The following FYCO1 variants were observed in gnomAD, a reference collection of about 807,000 sequenced individuals.
FYCO1 encodes FYVE and coiled-coil domain-containing protein 1.
FYCO1 carries 122 observed loss-of-function variants against 165.1 expected under a neutral mutation model. The observed-to-expected ratio is 0.74, with a 90% confidence interval of 0.64 to 0.86. The LOEUF (loss-of-function observed/expected upper bound fraction) is 0.86, where lower values mean the gene tolerates loss of function less well. Among genes scored for constraint, FYCO1 ranks in the 40% least tolerant of loss-of-function variants. The pLI is 0.00. For missense variants in FYCO1, 1,702 were observed against 1,810.3 expected, an observed-to-expected ratio of 0.94 and a Z score of 1.09; for synonymous variants, 648 against 742.5, an observed-to-expected ratio of 0.87 and a Z score of 2.07.
intron 16 of FYCO1, among the ~76,000 whole-genome samples, chr3:45,927,636 C>T (rs988564960): frequency 2.6e-5 from 4 of 152,204 alleles, no homozygotes; most frequent in African/African-American, 4.8e-5. Context: ...CTTCTGCACA[C>T]GGCGTCTCAT....
Position 45,968,383 on chromosome 3 carries a change from T to C in FYCO1, c.951A>G (p.Thr317=). ...CTCCTAGCTCCAGGCCCTGCAGGCA[T>C]GTCTGCAGCTCCTTCACAGTGTTCT... ...ATQNTVKELQ[T]CLQGLELGAA... is the part of the protein sequence containing the mutation. The change falls in exon 8 of 18, where the codon ACA becomes ACG. Residue 317 remains threonine, a synonymous_variant. Transcript: ENST00000296137. 3.7e-6 allele frequency: 6 copies of C among 1,613,692 alleles called. No individual in the cohort carries two copies. Among genetic ancestry groups the C allele is most frequent in the Non-Finnish European group, 5.1e-6 (6 of 1,179,906 alleles).
At chr3:45,949,717 G>A (rs1235618239) in intron 14 of FYCO1, among the ~76,000 whole-genome samples, 1 of 152,082 alleles carries the variant, frequency 6.6e-6, no homozygotes, top group East Asian at 1.9e-4. Flanking sequence ...AGCAGCGCTG[G>A]GACCATGGGG....
In FYCO1 at chr3:45,962,523, A is replaced by G. The variant is rs1705764258; in HGVS notation, c.3270-131T>C. On this transcript the variant is annotated intron_variant, in intron 10 of 17. Coordinates refer to ENST00000296137, the MANE Select transcript of FYCO1 (RefSeq NM_024513.4). This position sits in a 1 kb window ranked among gnomAD's most constrained non-coding sequence, Gnocchi z 4.4. ...TGGGGGAGCCCCTTGGTATCTGCTCACAGCTTATGCAGTCCCCTAGCTTTT... is the reference window on the plus strand; with the variant it reads ...TGGGGGAGCCCCTTGGTATCTGCTCGCAGCTTATGCAGTCCCCTAGCTTTT... The G allele has an allele frequency of 1.2e-6, 1 of 821,736 alleles. No individual in the cohort carries two copies. Among genetic ancestry groups the G allele is most frequent in the Non-Finnish European group, 2.1e-6 (1 of 470,652 alleles). The allele number at this position is 821,736 out of a possible 1,614,324, so 50.9% of individuals were successfully genotyped here.
At chr3:45,985,582 T>A (rs908189820) in intron 1 of FYCO1, among the ~76,000 whole-genome samples, 8 of 152,162 alleles carry the variant, frequency 5.3e-5, no homozygotes, top group African/African-American at 1.9e-4. Context: ...CAGGGTCCCC[T>A]TCGTCGTGAG....
chr3:45,935,594 C>A (rs1034212779), intron 15 of FYCO1, among the ~76,000 whole-genome samples: 5 of 152,194 alleles, frequency 3.3e-5, no homozygotes, highest in Admixed American at 2.6e-4. Context: ...AACTCCTTCA[C>A]CTCCTTCAAG....
intron 1 of FYCO1, among the ~76,000 whole-genome samples, chr3:45,991,987 C>T (rs904755544): frequency 5.3e-5 from 8 of 152,122 alleles, no homozygotes; most frequent in African/African-American, 1.7e-4. Flanking sequence ...GAGGAAAAGC[C>T]GTGTGAGGCC....
Position 45,936,455 on chromosome 3 carries a change from C to A in FYCO1, c.4033G>T (p.Glu1345Ter), listed in dbSNP as rs757559324. The A allele has an allele frequency of 4.3e-6, 7 of 1,612,600 alleles. No individual in the cohort carries two copies. The African/African-American group carries it at 8.0e-5, about 18-fold the overall frequency. ...DSEICLLKSG[E>*]LMIKVPLTVD... is the part of the protein sequence containing the mutation. ...GCAGCAGTTGCCACTTACATCAGTT[C>A]TCCAGACTTCAGCAGGCAGATTTCC... Residue 1345 changes from glutamate (E) to a stop codon, truncating the protein, a stop_gained, in exon 15 of 18, where the codon GAA becomes TAA. Transcript: ENST00000296137. LOFTEE classifies it high-confidence loss of function.
At chr3:45,935,414 T>C (rs922777955) in intron 15 of FYCO1, among the ~76,000 whole-genome samples, 1 of 152,246 alleles carries the variant, frequency 6.6e-6, no homozygotes, top group African/African-American at 2.4e-5. Flanking sequence ...CAAGGCCCTA[T>C]GTGCTGGGAC....
chr3:45,934,655 C>T (rs564632900), intron 15 of FYCO1, among the ~76,000 whole-genome samples: 3 of 152,198 alleles, frequency 2.0e-5, no homozygotes, highest in Non-Finnish European at 4.4e-5. Flanking sequence ...TCAATCAATG[C>T]AATCCATCAT....
At chr3:45,928,741 G>A (rs932895318) in intron 16 of FYCO1, among the ~76,000 whole-genome samples, 16 of 152,022 alleles carry the variant, frequency 1.1e-4, no homozygotes, top group Non-Finnish European at 2.2e-4. Context: ...CCCCAGGCTG[G>A]GCTAGGCATC....
In FYCO1 at chr3:45,931,086, C is replaced by T. The variant is rs563620617; in HGVS notation, c.4236G>A (p.Pro1412=). The change falls in exon 16 of 18, where the codon CCG becomes CCA. Residue 1412 remains proline, a synonymous_variant. Coordinates refer to ENST00000296137, the MANE Select transcript of FYCO1 (RefSeq NM_024513.4). ...SVVFQEAEDT[P]LDQCKVLIPT... ...CCAGCCTTACCTTACACTGATCCAGCGGTGTGTCCTCGGCCTCCTGGAAGA... is the reference window on the plus strand; with the variant it reads ...CCAGCCTTACCTTACACTGATCCAGTGGTGTGTCCTCGGCCTCCTGGAAGA... The T allele has an allele frequency of 5.0e-6, 8 of 1,613,546 alleles. No homozygotes were observed. The highest frequency in any genetic ancestry group is 3.3e-5 in the South Asian group (3 of 91,030).
At chr3:45,946,846 G>A (rs762455985) in intron 14 of FYCO1, 1 of 1,614,088 alleles carries the variant, frequency 6.2e-7, no homozygotes, top group African/African-American at 1.3e-5. Flanking sequence ...ATCCTCACCT[G>A]CATCACTGTG....
At chr3:45,953,793 G>T (rs1393874689) in intron 14 of FYCO1, among the ~76,000 whole-genome samples, 1 of 152,188 alleles carries the variant, frequency 6.6e-6, no homozygotes, top group Non-Finnish European at 1.5e-5. Flanking sequence ...GGGTTCCACA[G>T]GGTACAGAGT....
At chr3:45,924,634 A>T (rs1172774530) in intron 16 of FYCO1, among the ~76,000 whole-genome samples, 1 of 151,374 alleles carries the variant, frequency 6.6e-6, no homozygotes, top group East Asian at 1.9e-4. Flanking sequence ...TTTTTCTGAG[A>T]TGGAGTCTTA....
rs1298727674 is a variant in FYCO1 at position 45,985,037 on chromosome 3, G to A, written c.-112-15C>T. On this transcript the variant is annotated splice_polypyrimidine_tract_variant and intron_variant, in intron 1 of 17. Transcript: ENST00000296137. ...CATGGTGGCACCTGCACAGAGGAAG[G>A]GGAGGCCATGGAGGAAGCAGATACA... 4.6e-6 allele frequency: 4 copies of A among 865,044 alleles called. No individual in the cohort carries two copies. Among genetic ancestry groups the A allele is most frequent in the Admixed American group, 1.8e-5 (1 of 55,600 alleles). 53.6% of individuals were successfully genotyped at this position (865,044 alleles called of 1,614,324 possible). A position where few individuals can be genotyped will look rare whatever the true frequency, so the allele number is the denominator to read the frequency against.
chr3:45,928,786 T>C (rs1703445694), intron 16 of FYCO1, among the ~76,000 whole-genome samples: 1 of 145,096 alleles, frequency 6.9e-6, no homozygotes, highest in African/African-American at 2.5e-5. Flanking sequence ...CACCCACCCC[T>C]GTCATGAAAC....
chr3:45,932,836 A>G (rs944141857), intron 15 of FYCO1, among the ~76,000 whole-genome samples: 2 of 152,252 alleles, frequency 1.3e-5, no homozygotes, highest in Non-Finnish European at 2.9e-5. Context: ...ACCAACATTT[A>G]CAATTTTCAA....
chr3:45,984,292 G>A (rs1415303412), intron 2 of FYCO1, among the ~76,000 whole-genome samples: 1 of 152,180 alleles, frequency 6.6e-6, no homozygotes, highest in East Asian at 1.9e-4. Flanking sequence ...CCTCTGCCTT[G>A]CTTTTCTCCA....
At chr3:45,994,300 T>G (rs1223569325) in intron 1 of FYCO1, among the ~76,000 whole-genome samples, 1 of 152,178 alleles carries the variant, frequency 6.6e-6, no homozygotes. Context: ...TGATTCTGTA[T>G]GTTTATTTTT....
Sources: allele counts gnomAD v4.1 joint callset (sites outside exome capture counted in the v4.1 genomes callset), GRCh38; gene constraint gnomAD v4.1.1; non-coding constraint Gnocchi (gnomAD v3.1); transcripts MANE v1.5; gene names NCBI Gene and HGNC (gene_info 2026-07-23, HGNC 2026-07-21).